Variants in PTPRD observed in about 807,000 individuals in gnomAD.
The protein encoded by PTPRD is protein tyrosine phosphatase receptor type D.
Under a neutral mutation model 214.5 loss-of-function variants are expected in PTPRD, and 34 were observed. The ratio of observed to expected loss-of-function variants is 0.16; its 90% CI spans 0.12 to 0.21. The LOEUF is 0.21. Among genes scored for constraint, PTPRD ranks in the 10% least tolerant of loss-of-function variants. The pLI is 1.00. For synonymous variants in PTPRD, 1,128 were observed against 845.7 expected (o/e 1.33, Z -5.79); for missense variants, 2,545 against 2,398.7 (o/e 1.06, Z -1.27).
chr9:9,348,388 A>C (rs950767069), intron 9 of PTPRD, among the ~76,000 whole-genome samples: 3 of 152,176 alleles, frequency 2.0e-5, no homozygotes, highest in African/African-American at 4.8e-5. Context: ...CTACGCATTT[A>C]TCTTGCAGTA....
chr9:9,190,331 G>T (rs1326091261), intron 9 of PTPRD, among the ~76,000 whole-genome samples: 1 of 152,018 alleles, frequency 6.6e-6, no homozygotes, highest in Non-Finnish European at 1.5e-5. Flanking sequence ...GGGACCCAGG[G>T]GGAGGTAAGT....
chr9:8,697,414 G>A (rs62528771), intron 12 of PTPRD, among the ~76,000 whole-genome samples: 1 of 100,866 alleles, frequency 9.9e-6, no homozygotes, highest in Non-Finnish European at 2.1e-5. Context: ...TTATTTTTAT[G>A]TACTTTTTTT....
At chr9:10,008,209 G>A (rs1380575615) in intron 4 of PTPRD, among the ~76,000 whole-genome samples, 2 of 152,010 alleles carry the variant, frequency 1.3e-5, no homozygotes, top group East Asian at 3.9e-4. Context: ...TGGGATGGGA[G>A]GTCACACATA....
chr9:9,793,596 A>G (rs1213721904), intron 5 of PTPRD, among the ~76,000 whole-genome samples: 1 of 152,140 alleles, frequency 6.6e-6, no homozygotes, highest in Non-Finnish European at 1.5e-5. Context: ...TAAATTATTT[A>G]TTCAGAAATT....
At chr9:8,994,173 TCA>T (rs1006662887) in intron 11 of PTPRD, among the ~76,000 whole-genome samples, 3 of 152,132 alleles carry the variant, frequency 2.0e-5, no homozygotes, top group African/African-American at 7.2e-5. Context: ...TCTTTCTGTC[TCA>T]GTCTCCCTCC....
intron 9 of PTPRD, among the ~76,000 whole-genome samples, chr9:9,392,523 T>C (rs547398775): frequency 2.4e-4 from 37 of 152,284 alleles, no homozygotes; most frequent in Admixed American, 5.2e-4. Context: ...GATGTGTCCT[T>C]GCAAGAATGG....
At chr9:8,337,862 G>A (rs1349042551) in intron 43 of PTPRD, among the ~76,000 whole-genome samples, 1 of 149,334 alleles carries the variant, frequency 6.7e-6, no homozygotes, top group Non-Finnish European at 1.5e-5. Flanking sequence ...TTCAAATTCT[G>A]AAAGAGCACT....
At chr9:10,537,705 T>A (rs1316475625) in intron 2 of PTPRD, among the ~76,000 whole-genome samples, 1 of 152,174 alleles carries the variant, frequency 6.6e-6, no homozygotes, top group East Asian at 1.9e-4. Flanking sequence ...AGTTTCTGAT[T>A]ATATCCATAT....
intron 5 of PTPRD, among the ~76,000 whole-genome samples, chr9:9,781,366 T>C (rs756124946): frequency 2.6e-5 from 4 of 152,214 alleles, no homozygotes; most frequent in Non-Finnish European, 5.9e-5. Flanking sequence ...ATAGTATATA[T>C]GATTTTATAA....
chr9:8,600,891 T>C (rs144792509), intron 14 of PTPRD, among the ~76,000 whole-genome samples: 6 of 151,512 alleles, frequency 4.0e-5, no homozygotes, highest in African/African-American at 1.5e-4. Flanking sequence ...GAGGGAAAAA[T>C]AAAAAAGAAA....
At chr9:9,138,113 A>G (rs2099853875) in intron 10 of PTPRD, among the ~76,000 whole-genome samples, 2 of 152,104 alleles carry the variant, frequency 1.3e-5, no homozygotes, top group Non-Finnish European at 2.9e-5. Context: ...GCAGATGAAT[A>G]ATACCTGTTA....
At position 8,465,536 on chromosome 9, in the gene PTPRD, G is replaced by A. The variant is rs535699951; in HGVS notation, c.3644C>T (p.Thr1215Ile). 7.3e-5 allele frequency: 117 copies of A among 1,612,596 alleles called. 2 individuals carry two copies. In the South Asian group the frequency reaches 1.3e-3, roughly 17 times the overall value. Residue 1215 changes from threonine (T) to isoleucine (I), a missense_variant, in exon 32 of 46, where the codon ACA (threonine) becomes ATA (isoleucine). Thr to Ile is a moderately conservative substitution (Grantham distance 89). Transcript: ENST00000381196. ...LGDDKHYGGF[T>I]NKQLQSGQEY... is the part of the protein sequence containing the mutation. ...TTGACCACTTTGGAGTTGCTTGTTT[G>A]TAAATCCACCATAATGCTTGTCATC... is the stretch of plus-strand genomic sequence containing the variant.
At chr9:10,149,980 C>T (rs572463901) in intron 3 of PTPRD, among the ~76,000 whole-genome samples, 3 of 152,150 alleles carry the variant, frequency 2.0e-5, no homozygotes, top group Admixed American at 6.5e-5. Flanking sequence ...CCACCTGCCT[C>T]GGCCTCCCAA....
intron 9 of PTPRD, among the ~76,000 whole-genome samples, chr9:9,189,525 C>T (rs1302064791): frequency 6.6e-6 from 1 of 152,034 alleles, no homozygotes; most frequent in Non-Finnish European, 1.5e-5. Context: ...CCTCTCTGAT[C>T]CCTTCTCTCC....
At chr9:8,825,925 C>T (rs543232437) in intron 11 of PTPRD, among the ~76,000 whole-genome samples, 3 of 152,272 alleles carry the variant, frequency 2.0e-5, no homozygotes, top group South Asian at 4.1e-4. Context: ...TGGCCAGCTC[C>T]TACTGTAACC....
At chr9:9,331,021 A>T (rs1179346164) in intron 9 of PTPRD, among the ~76,000 whole-genome samples, 1 of 151,996 alleles carries the variant, frequency 6.6e-6, no homozygotes, top group Non-Finnish European at 1.5e-5. Context: ...TGCATGGAAT[A>T]AAAAATCCTG....
intron 7 of PTPRD, among the ~76,000 whole-genome samples, chr9:9,670,522 T>A (rs1453771077): frequency 6.6e-6 from 1 of 152,020 alleles, no homozygotes; most frequent in Non-Finnish European, 1.5e-5. Context: ...AAACGGAAAA[T>A]GTCTCTAGGG....
chr9:8,371,007 A>G (rs1257078121), intron 39 of PTPRD, among the ~76,000 whole-genome samples: 2 of 152,134 alleles, frequency 1.3e-5, no homozygotes, highest in African/African-American at 4.8e-5. Context: ...TCAGTTGGCA[A>G]GAAAGATTAT....
At chr9:8,849,638 G>C (rs943979414) in intron 11 of PTPRD, among the ~76,000 whole-genome samples, 4 of 152,210 alleles carry the variant, frequency 2.6e-5, no homozygotes, top group Non-Finnish European at 5.9e-5. Flanking sequence ...CAGCTGGTAA[G>C]AGAAAGGAGA....
Sources: allele counts gnomAD v4.1 joint callset (sites outside exome capture counted in the v4.1 genomes callset), GRCh38; gene constraint gnomAD v4.1.1; transcripts MANE v1.5; gene names NCBI Gene and HGNC (gene_info 2026-07-23, HGNC 2026-07-21).